The following CDKL4 variants were observed in gnomAD, a reference collection of about 807,000 sequenced individuals.
CDKL4 encodes the protein cyclin dependent kinase like 4.
CDKL4 carries 44 observed loss-of-function variants against 42.0 expected under a neutral mutation model. That is an observed-to-expected ratio of 1.05 (90% confidence interval 0.82 to 1.35). The LOEUF (loss-of-function observed/expected upper bound fraction) is 1.35, where lower values mean the gene tolerates loss of function less well. Ranked by LOEUF, CDKL4 falls within the 40% of genes most tolerant of loss-of-function variation. CDKL4 has a pLI of 0.00. For missense variants in CDKL4, 393 were observed against 369.9 expected (o/e 1.06, Z -0.51); for synonymous variants, 120 against 121.6 (o/e 0.99, Z 0.09).
intron 3 of CDKL4, among the ~76,000 whole-genome samples, chr2:39,219,814 T>C (rs1368199330): frequency 1.3e-5 from 2 of 152,134 alleles, no homozygotes; most frequent in Non-Finnish European, 2.9e-5. Flanking sequence ...TAGAACAATA[T>C]GGGGAACATA....
downstream of CDKL4, among the ~76,000 whole-genome samples, chr2:39,174,301 G>A (rs747884838): frequency 1.3e-5 from 2 of 151,676 alleles, no homozygotes; most frequent in East Asian, 3.9e-4. Context: ...GCTACAGGCT[G>A]AGATGGGTGG....
In CDKL4 at chr2:39,185,343, T is replaced by TATATAC. The variant is rs1558547111; in HGVS notation, c.736-697_736-696insGTATAT. Among the ~76,000 whole-genome samples, 44 of 88,344 alleles carry TATATAC rather than the reference T, an allele frequency of 5.0e-4. 7 individuals carry two copies. Among genetic ancestry groups the TATATAC allele is most frequent in the South Asian group, 1.3e-3 (4 of 3,082 alleles). 58.0% of individuals were successfully genotyped at this position (88,344 alleles called of 152,430 possible). A position where few individuals can be genotyped will look rare whatever the true frequency, so the allele number is the denominator to read the frequency against. The stretch of plus-strand genomic sequence containing the variant: ...ATATATATACACATATGTATATATA[T>TATATAC]ACACATATGTATATATACATATATA... On this transcript the variant is annotated intron_variant, in intron 7 of 9. Transcript: ENST00000451199.
intron 5 of CDKL4, among the ~76,000 whole-genome samples, chr2:39,197,969 GA>G (rs758818103): frequency 1.3e-5 from 2 of 151,862 alleles, no homozygotes; most frequent in African/African-American, 2.4e-5. Flanking sequence ...GTAGCATGAT[GA>G]ATAGTACCTC....
chr2:39,237,272 A>G (rs1188613057), intron 1 of CDKL4, among the ~76,000 whole-genome samples: 1 of 152,200 alleles, frequency 6.6e-6, no homozygotes, highest in African/African-American at 2.4e-5. Context: ...ATAATGTAAA[A>G]TACCATATTA....
At chr2:39,210,193 G>C (rs556533317) in intron 4 of CDKL4, among the ~76,000 whole-genome samples, 3 of 152,226 alleles carry the variant, frequency 2.0e-5, no homozygotes, top group Non-Finnish European at 4.4e-5. Flanking sequence ...GTTTCACCAT[G>C]TTGGCCAGGC....
intron 7 of CDKL4, among the ~76,000 whole-genome samples, chr2:39,185,430 A>ATG (rs1267670399): frequency 1.3e-4 from 2 of 15,114 alleles, no homozygotes; most frequent in East Asian, 2.0e-3. Context: ...ATATATACAT[A>ATG]TGTATATATA....
intron 1 of CDKL4, among the ~76,000 whole-genome samples, chr2:39,229,902 C>A (rs987210945): frequency 1.3e-5 from 2 of 152,212 alleles, no homozygotes; most frequent in African/African-American, 4.8e-5. Context: ...AAATATGATG[C>A]TGTAAAATCC....
At chr2:39,229,494 C>T (rs765447365) in exon 2 of CDKL4, 1 of 1,610,524 alleles carries the variant, frequency 6.2e-7, no homozygotes, top group South Asian at 1.1e-5. Flanking sequence ...CCCCATAAGA[C>T]CCTTCTCCAG....
At chr2:39,182,440 G>A (rs1675492323) in intron 8 of CDKL4, among the ~76,000 whole-genome samples, 1 of 152,204 alleles carries the variant, frequency 6.6e-6, no homozygotes, top group African/African-American at 2.4e-5. Context: ...CTGGAACAAT[G>A]TCCTGCTTAA....
At chr2:39,187,179 G>A (rs1001245955) in intron 7 of CDKL4, among the ~76,000 whole-genome samples, 27 of 152,008 alleles carry the variant, frequency 1.8e-4, no homozygotes, top group African/African-American at 5.8e-4. Context: ...CTCTCCTGCC[G>A]CCTTGTGAAG....
intron 3 of CDKL4, among the ~76,000 whole-genome samples, chr2:39,217,290 G>A (rs545903738): frequency 3.9e-5 from 6 of 152,272 alleles, no homozygotes; most frequent in Non-Finnish European, 5.9e-5. Flanking sequence ...ACTAAAAGTC[G>A]TAATGAAGGC....
At chr2:39,174,983 T>A (rs1572931391), downstream of CDKL4, among the ~76,000 whole-genome samples, 2 of 152,086 alleles carry the variant, frequency 1.3e-5, no homozygotes, top group African/African-American at 4.8e-5. Context: ...TATGTCAAGT[T>A]TGGTTGGGAA....
At chr2:39,244,774 A>G (rs1263365977), upstream of CDKL4, among the ~76,000 whole-genome samples, 2 of 152,234 alleles carry the variant, frequency 1.3e-5, no homozygotes, top group Admixed American at 1.3e-4. Context: ...ATTTATGTCT[A>G]GCTCAGGGAT....
Position 39,179,246 on chromosome 2 carries a change from G to A in CDKL4, c.868C>T (p.Gln290Ter), listed in dbSNP as rs1253894115. Residue 290 changes from glutamine (Q) to a stop codon, truncating the protein, a stop_gained, in exon 9 of 10, where the codon CAA (glutamine) becomes TAA (stop). Coordinates refer to ENST00000451199, the Ensembl canonical transcript of CDKL4. LOFTEE classifies it high-confidence loss of function. ...GCTTTTCTTTTAATTTGGGCCTCTT[G>A]AAAAGAATCAAAGTAGGAGCTCTCC... 3 of 1,613,560 alleles carry A rather than the reference G, an allele frequency of 1.9e-6. No individual in the cohort carries two copies. The Admixed American group carries it at 5.0e-5, about 27-fold the overall frequency.
At chr2:39,216,962 G>A (rs758637370) in intron 3 of CDKL4, among the ~76,000 whole-genome samples, 22 of 152,164 alleles carry the variant, frequency 1.4e-4, no homozygotes, top group Non-Finnish European at 2.5e-4. Context: ...GGCAGATTCC[G>A]TCAGGGGCAA....
intron 3 of CDKL4, among the ~76,000 whole-genome samples, chr2:39,214,712 T>C (rs72927501): frequency 0.034 from 5,178 of 152,302 alleles, 304 homozygotes; most frequent in African/African-American, 0.12. Flanking sequence ...TCAATTTATC[T>C]AATTCATGGT....
intron 3 of CDKL4, among the ~76,000 whole-genome samples, chr2:39,224,565 G>A (rs967222293): frequency 1.0e-4 from 15 of 147,278 alleles, no homozygotes; most frequent in African/African-American, 2.8e-4. Context: ...GTGCAGTGGT[G>A]TGATCTCGGC....
At chr2:39,226,620 T>C (rs1301115510) in intron 2 of CDKL4, among the ~76,000 whole-genome samples, 5 of 151,578 alleles carry the variant, frequency 3.3e-5, no homozygotes, top group Admixed American at 3.3e-4. Flanking sequence ...CAAGGAAAAA[T>C]GCTGATTAGG....
intron 4 of CDKL4, among the ~76,000 whole-genome samples, chr2:39,206,090 G>A (rs1390767925): frequency 6.6e-6 from 1 of 150,790 alleles, no homozygotes; most frequent in Admixed American, 6.6e-5. Flanking sequence ...GTCTCACTGT[G>A]TCGCCCAGGC....
Sources: allele counts gnomAD v4.1 joint callset (sites outside exome capture counted in the v4.1 genomes callset), GRCh38; gene constraint gnomAD v4.1.1; transcripts MANE v1.5; gene names NCBI Gene and HGNC (gene_info 2026-07-23, HGNC 2026-07-21).